The following PPP2R2A variants were observed in gnomAD, a reference collection of about 807,000 sequenced individuals.
The protein encoded by PPP2R2A is protein phosphatase 2 regulatory subunit Balpha, also known as serine/threonine-protein phosphatase 2A 55 kDa regulatory subunit B alpha isoform.
In PPP2R2A, 9 loss-of-function variants were observed where a neutral mutation model predicts 53.2. That is an observed-to-expected ratio of 0.17 (90% CI 0.10 to 0.30). The LOEUF (loss-of-function observed/expected upper bound fraction) is 0.30, where lower values mean the gene tolerates loss of function less well. Ranked by LOEUF, PPP2R2A falls within the 10% of genes least tolerant of loss-of-function variation. The pLI is 1.00. For synonymous variants in PPP2R2A, 169 were observed against 174.2 expected, an observed-to-expected ratio of 0.97 and a Z score of 0.23; for missense variants, 235 against 534.6, an observed-to-expected ratio of 0.44 and a Z score of 5.53.
At chr8:26,358,877 C>T (rs1231482379) in intron 4 of PPP2R2A, 2 of 455,336 alleles carry the variant, frequency 4.4e-6, no homozygotes, top group South Asian at 3.1e-5. Context: ...CTCTTCCCTA[C>T]AGGGAGTATA....
chr8:26,360,949 T>C lies in PPP2R2A; in HGVS notation c.460-25T>C, dbSNP rs1337402964. ...TTGAAACTGAGCCTTTTGTAATTTC[T>C]GTTTTTCATGTGTCTTATTGACAGG... On this transcript the variant is annotated intron_variant, in intron 5 of 9. Coordinates refer to ENST00000380737, the MANE Select transcript of PPP2R2A (RefSeq NM_002717.4). The surrounding 1 kb of genome is among the most constrained non-coding windows in gnomAD (Gnocchi z 4.5). The C allele has an allele frequency of 1.9e-6, 3 of 1,567,202 alleles. No homozygotes were observed. The highest frequency in any genetic ancestry group is 2.6e-6 in the Non-Finnish European group (3 of 1,167,336).
rs1004251206 is a variant in PPP2R2A at position 26,354,868 on chromosome 8, C to T, written c.346+235C>T. 6.6e-6 allele frequency among the ~76,000 whole-genome samples: 1 copy of T among 152,128 alleles called. No homozygotes were observed. Among genetic ancestry groups the T allele is most frequent in the Non-Finnish European group, 1.5e-5 (1 of 68,026 alleles). On this transcript the variant is annotated intron_variant, in intron 4 of 9. Coordinates refer to ENST00000380737, the MANE Select transcript of PPP2R2A (RefSeq NM_002717.4). The surrounding 1 kb of genome is among the most constrained non-coding windows in gnomAD (Gnocchi z 4.6). Reference sequence around the variant, plus strand: ...TCCAATTTGTAGTGAAAAGAATGGGCTGCTATACCATTGGATTTAGGTCAG... The same window carrying T: ...TCCAATTTGTAGTGAAAAGAATGGGTTGCTATACCATTGGATTTAGGTCAG...
At position 26,291,576 on chromosome 8, in the gene PPP2R2A, C is replaced by A. The variant is rs866089181; in HGVS notation, c.-244C>A. 4 of 549,018 alleles carry A rather than the reference C, an allele frequency of 7.3e-6. No homozygotes were observed. The highest frequency in any genetic ancestry group is 9.7e-6 in the Non-Finnish European group (3 of 310,776). 34.0% of individuals were successfully genotyped at this position (549,018 alleles called of 1,614,324 possible). A position where few individuals can be genotyped will look rare whatever the true frequency, so the allele number is the denominator to read the frequency against. On this transcript the variant is annotated 5_prime_UTR_variant, in exon 1 of 10. Coordinates refer to ENST00000380737, the MANE Select transcript of PPP2R2A (RefSeq NM_002717.4). ...CCGCTGCCGCCGCCGCCGTCGCTGTCGTAGTCGCCGCCGCCGCTGCCGGAG... is the reference window on the plus strand; with the variant it reads ...CCGCTGCCGCCGCCGCCGTCGCTGTAGTAGTCGCCGCCGCCGCTGCCGGAG...
At position 26,368,337 on chromosome 8, in the gene PPP2R2A, T is replaced by G. The variant is rs529362524; in HGVS notation, c.1065-1797T>G. On this transcript the variant is annotated intron_variant, in intron 9 of 9. Coordinates refer to ENST00000380737, the MANE Select transcript of PPP2R2A (RefSeq NM_002717.4). ...CTTTGAACAATTCCCCAGTATCCTGTAATCCTTATTTACAATAATAATTTG... is the reference window on the plus strand; with the variant it reads ...CTTTGAACAATTCCCCAGTATCCTGGAATCCTTATTTACAATAATAATTTG... Among the ~76,000 whole-genome samples, 7 of 152,344 alleles carry G rather than the reference T, an allele frequency of 4.6e-5. No individual in the cohort carries two copies. In the East Asian group the frequency reaches 1.4e-3, roughly 29 times the overall value.
intron 1 of PPP2R2A, chr8:26,293,188 CTG>C: frequency 6.6e-7 from 1 of 1,510,954 alleles, no homozygotes; most frequent in Non-Finnish European, 8.9e-7. Flanking sequence ...GTAGTGTTTG[CTG>C]TGTGTGCACT....
intron 3 of PPP2R2A, among the ~76,000 whole-genome samples, chr8:26,342,077 T>G (rs1173426338): frequency 2.0e-5 from 3 of 152,222 alleles, no homozygotes; most frequent in Non-Finnish European, 4.4e-5. Flanking sequence ...GTTTAATATT[T>G]TTAGCTGTCA....
chr8:26,353,322 G>A (rs952701855), intron 3 of PPP2R2A, among the ~76,000 whole-genome samples: 2 of 152,132 alleles, frequency 1.3e-5, no homozygotes, highest in Non-Finnish European at 2.9e-5. Flanking sequence ...CTGTCCAAGG[G>A]TTCAAATACA....
chr8:26,324,154 T>A (rs1802975552), intron 2 of PPP2R2A, among the ~76,000 whole-genome samples: 1 of 152,190 alleles, frequency 6.6e-6, no homozygotes, highest in Non-Finnish European at 1.5e-5. Context: ...CTTCAACAAG[T>A]TTGGATGGCT....
At chr8:26,293,100 T>TAAA in intron 1 of PPP2R2A, 1 of 746,432 alleles carries the variant, frequency 1.3e-6, no homozygotes, top group East Asian at 2.8e-5. Flanking sequence ...ACAGTCTCTT[T>TAAA]AGCAGCATTC....
At position 26,338,506 on chromosome 8, in the gene PPP2R2A, A is replaced by G. The variant is rs1803779379; in HGVS notation, c.83-384A>G. ...TTAGTAATATGTGCCTTTATTATAGATGATTATTTGCATTTGCATAAACAA... is the reference window on the plus strand; with the variant it reads ...TTAGTAATATGTGCCTTTATTATAGGTGATTATTTGCATTTGCATAAACAA... On this transcript the variant is annotated intron_variant, in intron 2 of 9. Coordinates refer to ENST00000380737, the MANE Select transcript of PPP2R2A (RefSeq NM_002717.4). This position sits in a 1 kb window ranked among gnomAD's most constrained non-coding sequence, Gnocchi z 4.5. Among the ~76,000 whole-genome samples, 2 of 152,352 alleles carry G rather than the reference A, an allele frequency of 1.3e-5. No homozygotes were observed. The highest frequency in any genetic ancestry group is 6.5e-5 in the Admixed American group (1 of 15,300).
chr8:26,320,490 A>G (rs1229470013), intron 2 of PPP2R2A, among the ~76,000 whole-genome samples: 1 of 152,204 alleles, frequency 6.6e-6, no homozygotes, highest in Admixed American at 6.5e-5. Flanking sequence ...GTGAGTTAAA[A>G]TACTGCTGGT....
At chr8:26,357,606 G>A (rs748261346) in intron 4 of PPP2R2A, among the ~76,000 whole-genome samples, 18 of 152,158 alleles carry the variant, frequency 1.2e-4, no homozygotes, top group Non-Finnish European at 2.1e-4. Flanking sequence ...TCAACCATGA[G>A]TGTTACATAT....
chr8:26,370,263 T>C lies in PPP2R2A; in HGVS notation c.1194T>C (p.Cys398=), dbSNP rs1346935715. 9 of 1,614,006 alleles carry C rather than the reference T, an allele frequency of 5.6e-6. No individual in the cohort carries two copies. The Admixed American group carries it at 1.5e-4, about 27-fold the overall frequency. ...PRTVLKPRKV[C]ASGKRKKDEI... is the part of the protein sequence containing the mutation. ...CAGTTCTGAAGCCTCGCAAAGTCTG[T>C]GCAAGTGGCAAGCGAAAGAAAGATG... The change falls in exon 10 of 10, where the codon TGT becomes TGC. Residue 398 remains cysteine (C), a synonymous_variant. Transcript: ENST00000380737. This position sits in a 1 kb window ranked among gnomAD's most constrained non-coding sequence, Gnocchi z 6.1.
At chr8:26,348,979 C>T (rs552935786) in intron 3 of PPP2R2A, among the ~76,000 whole-genome samples, 1 of 151,722 alleles carries the variant, frequency 6.6e-6, no homozygotes, top group African/African-American at 2.4e-5. Context: ...GAAATATTGC[C>T]TCCCAGTCAG....
chr8:26,358,299 G>A (rs1229308555), intron 4 of PPP2R2A, among the ~76,000 whole-genome samples: 3 of 152,138 alleles, frequency 2.0e-5, no homozygotes, highest in East Asian at 1.9e-4. Context: ...ACCAGGGGGC[G>A]GGGGTGTTGT....
intron 9 of PPP2R2A, among the ~76,000 whole-genome samples, chr8:26,367,907 C>G (rs1252463198): frequency 2.6e-5 from 4 of 152,288 alleles, no homozygotes; most frequent in Non-Finnish European, 4.4e-5. Flanking sequence ...TTGTTAGTCT[C>G]CTTTATTCTG....
intron 2 of PPP2R2A, among the ~76,000 whole-genome samples, chr8:26,326,601 A>T (rs528032263): frequency 2.0e-5 from 3 of 152,188 alleles, no homozygotes; most frequent in Non-Finnish European, 2.9e-5. Flanking sequence ...TTAGGGAGAT[A>T]TTAATAGCCA....
chr8:26,354,669 T>C lies in PPP2R2A; in HGVS notation c.346+36T>C. 1.3e-6 allele frequency: 2 copies of C among 1,489,736 alleles called. No individual in the cohort carries two copies. Among genetic ancestry groups the C allele is most frequent in the Non-Finnish European group, 1.8e-6 (2 of 1,108,740 alleles). The allele number at this position is 1,489,736 out of a possible 1,614,324, so 92.3% of individuals were successfully genotyped here. A position where few individuals can be genotyped will look rare whatever the true frequency, so the allele number is the denominator to read the frequency against. On this transcript the variant is annotated intron_variant, in intron 4 of 9. Transcript: ENST00000380737. The surrounding 1 kb of genome is among the most constrained non-coding windows in gnomAD (Gnocchi z 4.6). ...ATATTTTCTTTCCATGTGCCCACTG[T>C]GTGTACCTGTTGCACATATCCTGTA...
intron 2 of PPP2R2A, among the ~76,000 whole-genome samples, chr8:26,296,692 G>A (rs1409505368): frequency 6.6e-6 from 1 of 152,136 alleles, no homozygotes; most frequent in African/African-American, 2.4e-5. Flanking sequence ...ACAGTGCCTG[G>A]CACACAGTAG....
Sources: gnomAD v4.1 joint callset for allele counts (sites outside exome capture counted in the v4.1 genomes callset) on GRCh38, gnomAD v4.1.1 for gene constraint, Gnocchi (gnomAD v3.1) non-coding constraint, MANE v1.5 for transcripts, NCBI Gene and HGNC (gene_info 2026-07-23, HGNC 2026-07-21) for gene names.